CALN1: variants seen among roughly 807,000 people sequenced by gnomAD.
CALN1 encodes calneuron 1.
A neutral mutation model predicts 30.6 loss-of-function variants in CALN1; 17 were observed. The ratio of observed to expected loss-of-function variants is 0.56; its 90% CI spans 0.38 to 0.83. The LOEUF (loss-of-function observed/expected upper bound fraction) is 0.83. CALN1 is among the 40% of genes least tolerant of loss of function. CALN1 has a pLI of 0.00. For missense variants in CALN1, 291 were observed against 354.9 expected (o/e 0.82, Z 1.45); for synonymous variants, 156 against 131.4 (o/e 1.19, Z -1.28).
intron 4 of CALN1, among the ~76,000 whole-genome samples, chr7:72,094,869 C>A (rs901625520): frequency 2.0e-5 from 3 of 152,164 alleles, no homozygotes; most frequent in Non-Finnish European, 4.4e-5. Flanking sequence ...TGGGGAGTGG[C>A]TAGGGTCTTT....
At chr7:72,479,407 T>G in the CALN1 span, among the ~76,000 whole-genome samples, 1 of 152,184 alleles carries the variant, frequency 6.6e-6, no homozygotes, top group Non-Finnish European at 1.5e-5. Flanking sequence ...TGAACTCTAA[T>G]TTGTCTATTT....
intron 2 of CALN1, among the ~76,000 whole-genome samples, chr7:72,389,767 A>C (rs1237113359): frequency 2.0e-5 from 3 of 151,992 alleles, no homozygotes; most frequent in African/African-American, 7.3e-5. Flanking sequence ...TAAAAATACA[A>C]AATTAGCTAG....
chr7:71,994,870 C>T (rs1247095100), intron 5 of CALN1, among the ~76,000 whole-genome samples: 212 of 84,904 alleles, frequency 2.5e-3, no homozygotes, highest in African/African-American at 3.5e-3. Context: ...TTTTTTTTTT[C>T]GAGACGGAGT....
intron 4 of CALN1, among the ~76,000 whole-genome samples, chr7:72,051,893 C>T (rs984067743): frequency 2.0e-5 from 3 of 152,182 alleles, no homozygotes; most frequent in African/African-American, 7.2e-5. Context: ...AATCCTTTCT[C>T]GACAAAGTAA....
chr7:72,314,502 C>G (rs1478149132), intron 2 of CALN1, among the ~76,000 whole-genome samples: 1 of 151,374 alleles, frequency 6.6e-6, no homozygotes, highest in Non-Finnish European at 1.5e-5. Flanking sequence ...TGGCTCACTG[C>G]AATCTCTGCC....
intron 3 of CALN1, among the ~76,000 whole-genome samples, chr7:72,189,794 A>G (rs1585125446): frequency 6.6e-6 from 1 of 150,712 alleles, no homozygotes; most frequent in East Asian, 1.9e-4. Context: ...AAAATTTACT[A>G]TGTATGGAGA....
chr7:72,238,957 G>C (rs969970314), intron 3 of CALN1, among the ~76,000 whole-genome samples: 1 of 152,158 alleles, frequency 6.6e-6, no homozygotes, highest in African/African-American at 2.4e-5. Context: ...CACTAATGTG[G>C]ACAAAGCTAG....
At chr7:72,332,091 A>G (rs1801717394) in intron 2 of CALN1, among the ~76,000 whole-genome samples, 1 of 152,066 alleles carries the variant, frequency 6.6e-6, no homozygotes, top group Non-Finnish European at 1.5e-5. Flanking sequence ...TTCTTTATCC[A>G]GTCTATCACT....
chr7:72,344,019 AT>A (rs200042263), intron 2 of CALN1, among the ~76,000 whole-genome samples: 134 of 151,590 alleles, frequency 8.8e-4, no homozygotes, highest in South Asian at 4.0e-3. Context: ...AGAAAGGTCT[AT>A]TTTTTTTTAT....
At chr7:72,481,939 TG>T in the CALN1 span, among the ~76,000 whole-genome samples, 2 of 152,224 alleles carry the variant, frequency 1.3e-5, no homozygotes, top group Admixed American at 6.5e-5. Context: ...TGATCTTTAT[TG>T]ATTTTCTGTC....
chr7:71,978,638 T>G (rs1472300361), intron 5 of CALN1, among the ~76,000 whole-genome samples: 1 of 152,190 alleles, frequency 6.6e-6, no homozygotes, highest in Non-Finnish European at 1.5e-5. Flanking sequence ...CTCCAGGTGT[T>G]GTCACGAGAC....
chr7:72,335,507 T>A (rs556952076), intron 2 of CALN1, among the ~76,000 whole-genome samples: 5 of 152,244 alleles, frequency 3.3e-5, no homozygotes, highest in Admixed American at 2.6e-4. Flanking sequence ...TAGAATGTAG[T>A]TATTATCACC....
intron 1 of CALN1, among the ~76,000 whole-genome samples, chr7:72,428,093 C>G (rs139206066): frequency 5.3e-4 from 81 of 152,320 alleles, no homozygotes; most frequent in African/African-American, 1.9e-3. Flanking sequence ...CCTCCACAGA[C>G]ACAGTCGAGA....
chr7:72,254,966 T>C (rs1446780855), intron 3 of CALN1, among the ~76,000 whole-genome samples: 2 of 152,136 alleles, frequency 1.3e-5, no homozygotes, highest in Non-Finnish European at 2.9e-5. Context: ...TTATTGTTTG[T>C]ATTTTTAGTA....
At chr7:72,227,350 G>C (rs924476971) in intron 3 of CALN1, among the ~76,000 whole-genome samples, 1 of 151,930 alleles carries the variant, frequency 6.6e-6, no homozygotes, top group Admixed American at 6.6e-5. Flanking sequence ...GACCGGCCTG[G>C]CCAACATGGC....
intron 2 of CALN1, among the ~76,000 whole-genome samples, chr7:72,371,229 T>C (rs1804225173): frequency 6.6e-6 from 1 of 152,226 alleles, no homozygotes; most frequent in African/African-American, 2.4e-5. Context: ...CATTTAAGTC[T>C]GTGATCCATT....
intron 5 of CALN1, among the ~76,000 whole-genome samples, chr7:71,998,548 C>T (rs866687041): frequency 3.6e-4 from 55 of 151,502 alleles, no homozygotes; most frequent in African/African-American, 1.3e-3. Flanking sequence ...AGAGCAACCA[C>T]TACAAAAACT....
At chr7:72,030,714 G>T (rs1309143322) in intron 4 of CALN1, among the ~76,000 whole-genome samples, 1 of 152,046 alleles carries the variant, frequency 6.6e-6, no homozygotes, top group Non-Finnish European at 1.5e-5. Flanking sequence ...CACGCACAAC[G>T]TGGTGGACAT....
intron 2 of CALN1, among the ~76,000 whole-genome samples, chr7:72,389,544 G>A (rs1805443983): frequency 6.6e-6 from 1 of 152,200 alleles, no homozygotes; most frequent in Admixed American, 6.5e-5. Flanking sequence ...GTTTTAAAGT[G>A]TAACGTCTCC....
Sources: gnomAD v4.1 joint callset for allele counts (sites outside exome capture counted in the v4.1 genomes callset) on GRCh38, gnomAD v4.1.1 for gene constraint, MANE v1.5 for transcripts, NCBI Gene and HGNC (gene_info 2026-07-23, HGNC 2026-07-21) for gene names.